The following FAHD2B variants were observed in gnomAD, a reference collection of about 807,000 sequenced individuals.
FAHD2B encodes the protein oxaloacetate tautomerase FAHD2B, mitochondrial.
Under a neutral mutation model 33.7 loss-of-function variants are expected in FAHD2B, and 26 were observed. That is an observed-to-expected ratio of 0.77 (90% CI 0.57 to 1.07). The LOEUF (loss-of-function observed/expected upper bound fraction) is 1.07. Among genes scored for constraint, FAHD2B ranks in the 50% least tolerant of loss-of-function variants. The pLI, the probability that FAHD2B is intolerant of heterozygous loss-of-function variation, is 0.00. For missense variants in FAHD2B, 272 were observed against 388.1 expected, an observed-to-expected ratio of 0.70 and a Z score of 2.51; for synonymous variants, 108 against 150.9, an observed-to-expected ratio of 0.72 and a Z score of 2.08.
intron 4 of FAHD2B, chr2:97,089,669 T>C (rs1056273724): frequency 2.8e-5 from 5 of 179,032 alleles, no homozygotes; most frequent in African/African-American, 9.5e-5. Context: ...TAAACTACCC[T>C]GTACATCACA....
chr2:97,079,733 C>T (rs1401775161), downstream of FAHD2B, among the ~76,000 whole-genome samples: 3 of 151,120 alleles, frequency 2.0e-5, no homozygotes, highest in East Asian at 5.8e-4. Context: ...GGTGCAATCT[C>T]GGCTCACGGC....
intron 1 of FAHD2B, among the ~76,000 whole-genome samples, chr2:97,093,688 T>C (rs1407828939): frequency 3.9e-5 from 6 of 152,172 alleles, no homozygotes; most frequent in East Asian, 3.9e-4. Flanking sequence ...TTAGCCAGGA[T>C]GGTCTCGATC....
downstream of FAHD2B, among the ~76,000 whole-genome samples, chr2:97,078,750 CTTTT>C (rs778092487): frequency 1.3e-5 from 2 of 150,562 alleles, no homozygotes; most frequent in African/African-American, 5.0e-5. Flanking sequence ...TCTTGAAATA[CTTTT>C]TTTTAAACTT....
chr2:97,082,317 G>A, downstream of FAHD2B: 1 of 1,595,608 alleles, frequency 6.3e-7, no homozygotes, highest in Non-Finnish European at 8.5e-7. Flanking sequence ...CCCGATACTG[G>A]TGAGGCCCTT....
chr2:97,083,029 G>A, downstream of FAHD2B: 3 of 1,143,094 alleles, frequency 2.6e-6, no homozygotes, highest in Non-Finnish European at 3.7e-6. Flanking sequence ...AAACACTGAG[G>A]TCTAAGGGGC....
downstream of FAHD2B, among the ~76,000 whole-genome samples, chr2:97,079,822 G>A (rs1219461021): frequency 1.2e-4 from 18 of 151,570 alleles, no homozygotes; most frequent in South Asian, 2.1e-4. Flanking sequence ...GCACCACCAC[G>A]CCCAGCTAAT....
intron 4 of FAHD2B, among the ~76,000 whole-genome samples, chr2:97,088,940 G>C (rs2032167110): frequency 6.6e-6 from 1 of 152,118 alleles, no homozygotes; most frequent in African/African-American, 2.4e-5. Flanking sequence ...GAAGGGCAGG[G>C]AGAGGGCAAG....
chr2:97,090,409 A>G, intron 3 of FAHD2B, 84 bp from the exon 4 acceptor site: 1 of 1,471,960 alleles, frequency 6.8e-7, no homozygotes, highest in Non-Finnish European at 9.0e-7. Flanking sequence ...TGCAGCAGCT[A>G]CAGGTTTTGC....
chr2:97,082,375 G>C (rs1300510485), downstream of FAHD2B: 1 of 1,613,384 alleles, frequency 6.2e-7, no homozygotes, highest in Non-Finnish European at 8.5e-7. Context: ...TGGGTGCCAG[G>C]TCTAGGTCTT....
At chr2:97,093,289 C>T (rs1350064146) in intron 1 of FAHD2B, among the ~76,000 whole-genome samples, 1 of 151,984 alleles carries the variant, frequency 6.6e-6, no homozygotes, top group Non-Finnish European at 1.5e-5. Context: ...GCCAGTTTGA[C>T]TAGAAAACAG....
At chr2:97,093,512 TCGCC>T (rs2032481105) in intron 1 of FAHD2B, among the ~76,000 whole-genome samples, 1 of 146,828 alleles carries the variant, frequency 6.8e-6, no homozygotes. Context: ...TCTCGCTCTG[TCGCC>T]CAGGCTGGAG....
chr2:97,084,087 C>T (rs756346594), intron 7 of FAHD2B, 52 bp from the exon 8 acceptor site: 16 of 1,613,268 alleles, frequency 9.9e-6, no homozygotes, highest in East Asian at 2.2e-5. Flanking sequence ...TGAGTGGCCA[C>T]AGCCAAAGGT....
At chr2:97,078,883 A>G (rs1416953510), downstream of FAHD2B, among the ~76,000 whole-genome samples, 1 of 151,976 alleles carries the variant, frequency 6.6e-6, no homozygotes, top group Non-Finnish European at 1.5e-5. Flanking sequence ...CCTAGTATCC[A>G]TTAGTTATTT....
At position 97,091,894 on chromosome 2, in the gene FAHD2B, G is replaced by C. The variant is rs550618430; in HGVS notation, c.-38C>G. Reference sequence around the variant, plus strand: ...TACTTCATAAGGTGAAACTTTTGTAGAGGAGCAACTACTACATGCTACGCA... The same window carrying C: ...TACTTCATAAGGTGAAACTTTTGTACAGGAGCAACTACTACATGCTACGCA... On this transcript the variant is annotated 5_prime_UTR_variant, in exon 2 of 9. Transcript: ENST00000414820. The C allele has an allele frequency of 2.7e-5, 22 of 806,350 alleles. No individual in the cohort carries two copies. Among genetic ancestry groups the C allele is most frequent in the Admixed American group, 2.5e-4 (8 of 32,368 alleles). The allele number at this position is 806,350 out of a possible 1,614,324, so 49.9% of individuals were successfully genotyped here.
Position 97,091,586 on chromosome 2 carries a change from G to A in FAHD2B, c.121C>T (p.His41Tyr), listed in dbSNP as rs754846245. ...CCATTCCCTGTCTCCAGGCCCAAGT[G>A]AGGCCCCACCAGGTGGGGTGCCCGG... is the stretch of plus-strand genomic sequence containing the variant. Reference protein sequence around the residue: ...QFRAPHLVGPHLGLETGNGGG... With the variant: ...QFRAPHLVGPYLGLETGNGGG... Residue 41 changes from histidine (H) to tyrosine (Y), a missense_variant, in exon 3 of 9, where the codon CAC becomes TAC. By Grantham distance (83) the His-to-Tyr change is moderately conservative. Coordinates refer to ENST00000414820, the MANE Select transcript of FAHD2B (RefSeq NM_001320848.2). 4 of 1,613,930 alleles carry A rather than the reference G, an allele frequency of 2.5e-6. No individual in the cohort carries two copies. The highest frequency in any genetic ancestry group is 2.2e-5 in the South Asian group (2 of 90,988).
At chr2:97,082,194 A>G, downstream of FAHD2B, 5 of 1,527,718 alleles carry the variant, frequency 3.3e-6, no homozygotes, top group South Asian at 6.1e-5. Flanking sequence ...TGTCCCCTCC[A>G]GCTCAGCCAG....
chr2:97,094,238 A>G (rs2032527712), intron 1 of FAHD2B, among the ~76,000 whole-genome samples: 1 of 152,044 alleles, frequency 6.6e-6, no homozygotes, highest in African/African-American at 2.4e-5. Flanking sequence ...CCCTTCCCAC[A>G]TGACACACAC....
chr2:97,089,773 A>C (rs181229055), intron 4 of FAHD2B: 1 of 368,194 alleles, frequency 2.7e-6, no homozygotes, highest in Non-Finnish European at 5.1e-6. Context: ...AAGTATATGT[A>C]CAGTATAAAC....
At chr2:97,079,195 C>T (rs545146340), downstream of FAHD2B, among the ~76,000 whole-genome samples, 1 of 152,122 alleles carries the variant, frequency 6.6e-6, no homozygotes, top group African/African-American at 2.4e-5. Context: ...AGATTGATTC[C>T]ACATCTGTGC....
Sources: allele counts gnomAD v4.1 joint callset (sites outside exome capture counted in the v4.1 genomes callset), GRCh38; gene constraint gnomAD v4.1.1; transcripts MANE v1.5; gene names NCBI Gene and HGNC (gene_info 2026-07-23, HGNC 2026-07-21).